Variants in TULP4 observed in about 807,000 individuals in gnomAD.
TULP4 encodes the protein TUB like protein 4, also known as tubby-related protein 4.
TULP4 carries 16 observed loss-of-function variants against 129.0 expected under a neutral mutation model. The observed-to-expected ratio is 0.12, with a 90% CI of 0.08 to 0.19. The LOEUF is 0.19. Among genes scored for constraint, TULP4 ranks in the 10% least tolerant of loss-of-function variants. The pLI is 1.00. For synonymous variants in TULP4, 998 were observed against 854.0 expected, an observed-to-expected ratio of 1.17 and a Z score of -2.94; for missense variants, 1,842 against 2,059.1, an observed-to-expected ratio of 0.89 and a Z score of 2.04.
chr6:158,412,887 T>C (rs761862705), intron 1 of TULP4, among the ~76,000 whole-genome samples, 178 bp from the exon 2 acceptor site: 2 of 152,166 alleles, frequency 1.3e-5, no homozygotes, highest in Non-Finnish European at 2.9e-5. Flanking sequence ...GTGGGGCTGG[T>C]TCCCTGTGGA....
At chr6:158,465,313 T>C (rs543575331) in intron 6 of TULP4, among the ~76,000 whole-genome samples, 41 of 152,232 alleles carry the variant, frequency 2.7e-4, no homozygotes, top group Admixed American at 1.3e-3. Context: ...GGTTCATCCA[T>C]GTTGTACCAT....
At chr6:158,497,450 C>G (rs781601272) in intron 11 of TULP4, among the ~76,000 whole-genome samples, 40 of 152,290 alleles carry the variant, frequency 2.6e-4, no homozygotes, top group Non-Finnish European at 5.1e-4. Context: ...ACAGTAGATT[C>G]TACAAAATTC....
intron 1 of TULP4, among the ~76,000 whole-genome samples, chr6:158,349,917 G>T (rs1780461528): frequency 7.6e-6 from 1 of 130,980 alleles, no homozygotes; most frequent in Non-Finnish European, 1.6e-5. Flanking sequence ...GCCGGGCAGA[G>T]GCACTCCCCA....
chr6:158,417,058 T>C (rs1778227262), intron 2 of TULP4, among the ~76,000 whole-genome samples: 1 of 152,182 alleles, frequency 6.6e-6, no homozygotes. Flanking sequence ...AACAAGGGAA[T>C]TGCCTAATGA....
intron 6 of TULP4, among the ~76,000 whole-genome samples, chr6:158,474,949 G>A (rs1779784195): frequency 6.6e-6 from 1 of 152,186 alleles, no homozygotes; most frequent in South Asian, 2.1e-4. Context: ...CTCTACAAGG[G>A]CAGAGAATGT....
intron 1 of TULP4, among the ~76,000 whole-genome samples, chr6:158,264,195 G>A (rs539201058): frequency 6.8e-4 from 103 of 152,354 alleles, no homozygotes; most frequent in Admixed American, 7.8e-4. Context: ...AGGAAGTGCG[G>A]CCTTAACAGA....
intron 8 of TULP4, among the ~76,000 whole-genome samples, chr6:158,482,332 C>T (rs1779967049): frequency 6.6e-6 from 1 of 152,182 alleles, no homozygotes; most frequent in Admixed American, 6.5e-5. Flanking sequence ...CCCACCTCTG[C>T]CTGCCAGCCT....
chr6:158,294,362 C>G (rs1017640008), intron 1 of TULP4, among the ~76,000 whole-genome samples: 33 of 126,088 alleles, frequency 2.6e-4, no homozygotes, highest in Admixed American at 1.0e-3. Context: ...GACTCCATCT[C>G]AAAAAAAAAA....
At chr6:158,353,047 T>C (rs983488119) in intron 1 of TULP4, among the ~76,000 whole-genome samples, 4 of 152,202 alleles carry the variant, frequency 2.6e-5, no homozygotes, top group Non-Finnish European at 2.9e-5. Context: ...CTCCAGCTGA[T>C]GAAAAAAGTT....
intron 1 of TULP4, among the ~76,000 whole-genome samples, chr6:158,305,231 C>T (rs1055220567): frequency 3.3e-5 from 5 of 151,970 alleles, no homozygotes; most frequent in African/African-American, 9.7e-5. Flanking sequence ...TGGCTTATTT[C>T]ACCTAGCATA....
At chr6:158,482,321 C>T (rs1347816809) in intron 8 of TULP4, among the ~76,000 whole-genome samples, 2 of 152,178 alleles carry the variant, frequency 1.3e-5, no homozygotes, top group Non-Finnish European at 2.9e-5. Context: ...TACACAGGTG[C>T]CCCACCTCTG....
In TULP4 at chr6:158,425,015, G is replaced by A. The variant is rs890448190; in HGVS notation, c.382-4721G>A. ...AAAAATACAAAAAAATTAGCCGGGC[G>A]TGGTGGTGGGCGCCTGTATTCGCAG... On this transcript the variant is annotated intron_variant, in intron 2 of 13. Coordinates refer to ENST00000367097, the MANE Select transcript of TULP4 (RefSeq NM_020245.5). 4.0e-5 allele frequency among the ~76,000 whole-genome samples: 6 copies of A among 151,768 alleles called. No individual in the cohort carries two copies. The East Asian group carries it at 1.2e-3, about 30-fold the overall frequency.
intron 4 of TULP4, among the ~76,000 whole-genome samples, chr6:158,450,732 C>T (rs1460178983): frequency 1.4e-5 from 2 of 144,904 alleles, no homozygotes; most frequent in African/African-American, 5.3e-5. Flanking sequence ...TCTAGATTTA[C>T]TTGCCCCCAT....
intron 8 of TULP4, among the ~76,000 whole-genome samples, chr6:158,484,325 T>G (rs1439961911): frequency 6.6e-6 from 1 of 151,906 alleles, no homozygotes; most frequent in Non-Finnish European, 1.5e-5. Flanking sequence ...GTGCACTTTT[T>G]TTTTTTGTAG....
intron 6 of TULP4, among the ~76,000 whole-genome samples, chr6:158,463,649 A>AAT (rs60561997): frequency 0.16 from 21,868 of 137,590 alleles, 2,213 homozygotes; most frequent in Non-Finnish European, 0.22. Context: ...GTATAATAAA[A>AAT]ATATATATAT....
intron 1 of TULP4, among the ~76,000 whole-genome samples, chr6:158,251,199 C>T: frequency 6.6e-6 from 1 of 152,160 alleles, no homozygotes; most frequent in East Asian, 1.9e-4. Flanking sequence ...TTTTGAGAAG[C>T]AGATTATTAA....
intron 1 of TULP4, among the ~76,000 whole-genome samples, chr6:158,305,324 C>CATGTGTGT (rs1430223761): frequency 7.1e-6 from 1 of 141,748 alleles, no homozygotes; most frequent in Non-Finnish European, 1.5e-5. Flanking sequence ...ATTCTGTGTG[C>CATGTGTGT]GTGTGTGTGT....
chr6:158,464,270 G>A (rs974395858), intron 6 of TULP4, among the ~76,000 whole-genome samples: 11 of 152,144 alleles, frequency 7.2e-5, no homozygotes, highest in Admixed American at 3.3e-4. Context: ...ATCAATACCC[G>A]TAAGGCACAT....
At chr6:158,395,106 T>G (rs1001091789) in intron 1 of TULP4, among the ~76,000 whole-genome samples, 1 of 152,108 alleles carries the variant, frequency 6.6e-6, no homozygotes, top group African/African-American at 2.4e-5. Flanking sequence ...CTCCTCCAAT[T>G]TGACATGAGA....
Sources: gnomAD v4.1 joint callset for allele counts (sites outside exome capture counted in the v4.1 genomes callset) on GRCh38, gnomAD v4.1.1 for gene constraint, MANE v1.5 for transcripts, NCBI Gene and HGNC (gene_info 2026-07-23, HGNC 2026-07-21) for gene names.